Variants in RAPH1 observed in about 807,000 individuals in gnomAD.
RAPH1 encodes the protein ras-associated and pleckstrin homology domains-containing protein 1.
Under a neutral mutation model 88.1 loss-of-function variants are expected in RAPH1, and 18 were observed. The observed-to-expected ratio is 0.20, with a 90% CI of 0.14 to 0.30. RAPH1 has a LOEUF of 0.30. Ranked by LOEUF, RAPH1 falls within the 10% of genes least tolerant of loss-of-function variation. The pLI, the probability that RAPH1 is intolerant of heterozygous loss-of-function variation, is 1.00. For synonymous variants in RAPH1, 587 were observed against 559.0 expected (o/e 1.05, Z -0.71); for missense variants, 1,448 against 1,543.2 (o/e 0.94, Z 1.03).
Position 203,440,940 on chromosome 2 carries a change from A to T in RAPH1, c.2250T>A (p.His750Gln), listed in dbSNP as rs1276688539. The change falls in exon 14 of 14, where the codon CAT becomes CAA. Residue 750 changes from histidine (H) to glutamine (Q), a missense_variant. Coordinates refer to ENST00000319170, the MANE Select transcript of RAPH1 (RefSeq NM_213589.3). Reference sequence around the variant, plus strand: ...CCACCTGAGTAATATGCTGAACTTGATGGATCTTCAGTGGAGGAGGCGGGG... The same window carrying T: ...CCACCTGAGTAATATGCTGAACTTGTTGGATCTTCAGTGGAGGAGGCGGGG... ...FSAPPPPLKI[H>Q]QVQHITQVAP... 2.6e-6 allele frequency: 4 copies of T among 1,564,680 alleles called. No homozygotes were observed. The highest frequency in any genetic ancestry group is 3.5e-6 in the Non-Finnish European group (4 of 1,157,736).
At chr2:203,501,751 G>A (rs1688747114) in intron 1 of RAPH1, among the ~76,000 whole-genome samples, 1 of 149,440 alleles carries the variant, frequency 6.7e-6, no homozygotes, top group Non-Finnish European at 1.5e-5. Flanking sequence ...CCTACAGAAA[G>A]GTTCTACTTA....
chr2:203,441,913 T>C (rs1354153006), intron 13 of RAPH1: 1 of 1,352,122 alleles, frequency 7.4e-7, no homozygotes, highest in African/African-American at 1.5e-5. Context: ...TTTTTGATGC[T>C]AGTAAGCTGA....
At chr2:203,469,612 G>A (rs1016325470) in intron 4 of RAPH1, among the ~76,000 whole-genome samples, 1 of 152,160 alleles carries the variant, frequency 6.6e-6, no homozygotes, top group African/African-American at 2.4e-5. Context: ...AAAAGAGGTA[G>A]AAAGCAACTC....
chr2:203,513,323 T>C (rs1347539722), intron 1 of RAPH1, among the ~76,000 whole-genome samples: 5 of 151,102 alleles, frequency 3.3e-5, no homozygotes. Flanking sequence ...TCTCAATTTC[T>C]TCCTATTTAT....
chr2:203,459,993 T>G lies in RAPH1; in HGVS notation c.1006A>C (p.Asn336His). Reference sequence around the variant, plus strand: ...CTATCTCTTGTCCAATTAAGAAGATTTTCAACCAAGTTTTCATGGTCTTCA... The same window carrying G: ...CTATCTCTTGTCCAATTAAGAAGATGTTCAACCAAGTTTTCATGGTCTTCA... ...IFEDHENLVE[N>H]LLNWTRDSQN... The change falls in exon 7 of 14, where the codon AAT becomes CAT. Residue 336 changes from asparagine (N) to histidine (H), a missense_variant. Physicochemically the swap from Asn to His is moderately conservative, Grantham distance 68. Around this residue, in one of 2 missense-constraint regions of RAPH1, gnomAD observed 513 missense variants for 653.1 expected, o/e 0.79. Transcript: ENST00000319170. The G allele has an allele frequency of 6.2e-7, 1 of 1,610,338 alleles. No individual in the cohort carries two copies. The highest frequency in any genetic ancestry group is 8.5e-7 in the Non-Finnish European group (1 of 1,177,366).
At chr2:203,441,956 GCA>G (rs1162999419) in intron 13 of RAPH1, 19 of 1,458,652 alleles carry the variant, frequency 1.3e-5, no homozygotes, top group East Asian at 2.6e-5. Context: ...GAGCAGGCGT[GCA>G]CAGTCACACA....
At chr2:203,484,164 C>T (rs1184113881) in intron 4 of RAPH1, among the ~76,000 whole-genome samples, 1 of 152,124 alleles carries the variant, frequency 6.6e-6, no homozygotes, top group Non-Finnish European at 1.5e-5. Flanking sequence ...ACCTGGAGTT[C>T]AGGAGAGAGG....
chr2:203,506,881 G>GAT (rs1206268313), intron 1 of RAPH1, among the ~76,000 whole-genome samples: 1,456 of 30,310 alleles, frequency 0.048, 90 homozygotes, highest in Non-Finnish European at 0.059. Context: ...TATATATATA[G>GAT]ATATATATAT....
At chr2:203,502,819 CAAA>C (rs745644429) in intron 1 of RAPH1, among the ~76,000 whole-genome samples, 6 of 97,736 alleles carry the variant, frequency 6.1e-5, no homozygotes, top group African/African-American at 3.9e-5. Context: ...GACTCCGTCC[CAAA>C]AAAAAAAAAA....
chr2:203,460,790 C>G (rs1171213395), intron 6 of RAPH1, among the ~76,000 whole-genome samples: 1 of 152,024 alleles, frequency 6.6e-6, no homozygotes, highest in Non-Finnish European at 1.5e-5. Flanking sequence ...TGTAAAGAAG[C>G]CAAATTATGA....
intron 1 of RAPH1, among the ~76,000 whole-genome samples, chr2:203,533,727 C>T (rs966233189): frequency 6.6e-6 from 1 of 151,950 alleles, no homozygotes; most frequent in African/African-American, 2.4e-5. Flanking sequence ...CATTCACTAA[C>T]CCCCCGCACC....
intron 13 of RAPH1, chr2:203,441,934 T>TA: frequency 1.5e-6 from 2 of 1,372,178 alleles, no homozygotes; most frequent in Admixed American, 6.9e-5. Flanking sequence ...CACAGGAGAG[T>TA]ATGAGAATGT....
intron 13 of RAPH1, chr2:203,444,614 C>T (rs550478750): frequency 2.4e-6 from 1 of 422,946 alleles, no homozygotes; most frequent in South Asian, 8.1e-5. Flanking sequence ...AAGAATTAAA[C>T]TGCCAGTTTT....
chr2:203,500,220 T>A (rs1014404349), intron 1 of RAPH1, among the ~76,000 whole-genome samples: 1 of 152,194 alleles, frequency 6.6e-6, no homozygotes, highest in Non-Finnish European at 1.5e-5. Flanking sequence ...GTGAGCGTAG[T>A]TTAACTCAGT....
Position 203,440,027 on chromosome 2 carries a change from C to T in RAPH1, c.3163G>A (p.Gly1055Arg), listed in dbSNP as rs1268036893. The T allele has an allele frequency of 1.2e-6, 2 of 1,613,532 alleles. No individual in the cohort carries two copies. Among genetic ancestry groups the T allele is most frequent in the African/African-American group, 1.3e-5 (1 of 74,830 alleles). The change falls in exon 14 of 14, where the codon GGG (glycine) becomes AGG (arginine). Residue 1055 changes from glycine to arginine, a missense_variant. Physicochemically the swap from Gly to Arg is moderately radical, Grantham distance 125 (BLOSUM62 -2). Coordinates refer to ENST00000319170, the MANE Select transcript of RAPH1 (RefSeq NM_213589.3). ...CVSAKAPVLS[G>R]RGKDSVVEFP... Reference sequence around the variant, plus strand: ...TCCACCACGGAGTCCTTTCCACGCCCACTCAGAACAGGGGCTTTTGCTGAC... The same window carrying T: ...TCCACCACGGAGTCCTTTCCACGCCTACTCAGAACAGGGGCTTTTGCTGAC...
rs766747164 is a variant in RAPH1 at position 203,439,477 on chromosome 2, G to A, written c.3713C>T (p.Pro1238Leu). ...TLRRGPPPAPPKRDQNTKLSR... is the reference protein window; with the variant it reads ...TLRRGPPPAPLKRDQNTKLSR... ...GAGCTTGGTGTTCTGGTCTCTTTTG[G>A]GGGGAGCAGGAGGGGGTCCTCTCCG... The change falls in exon 14 of 14, where the codon CCC becomes CTC. Residue 1238 changes from proline (P) to leucine (L), a missense_variant. Pro to Leu is a moderately conservative substitution (Grantham distance 98). Coordinates refer to ENST00000319170, the MANE Select transcript of RAPH1 (RefSeq NM_213589.3). The A allele has an allele frequency of 1.2e-6, 2 of 1,613,962 alleles. No individual in the cohort carries two copies. Among genetic ancestry groups the A allele is most frequent in the Admixed American group, 1.7e-5 (1 of 60,022 alleles).
chr2:203,519,600 T>A (rs542508007), intron 1 of RAPH1, among the ~76,000 whole-genome samples: 4 of 152,154 alleles, frequency 2.6e-5, no homozygotes, highest in African/African-American at 7.2e-5. Context: ...GATAAGGATG[T>A]CCACTCTGAC....
In RAPH1 at chr2:203,437,198, T is replaced by TA. The variant is rs1259744040; in HGVS notation, c.*2238dup. On this transcript the variant is annotated 3_prime_UTR_variant, in exon 14 of 14. Coordinates refer to ENST00000319170, the MANE Select transcript of RAPH1 (RefSeq NM_213589.3). ...ACTGAAAACATAAAGGCTGTTGTTT[T>TA]AGGGCTCAAATCATGGGTGAAAAAA... is the stretch of plus-strand genomic sequence containing the variant. 7 of 152,318 alleles carry TA rather than the reference T, an allele frequency of 4.6e-5. No homozygotes were observed. Among genetic ancestry groups the TA allele is most frequent in the African/African-American group, 1.7e-4 (7 of 41,564 alleles). 9.4% of individuals were successfully genotyped at this position (152,318 alleles called of 1,614,324 possible).
At chr2:203,442,224 T>A in intron 13 of RAPH1, 1 of 794,964 alleles carries the variant, frequency 1.3e-6, no homozygotes, top group Non-Finnish European at 1.9e-6. Flanking sequence ...AGCTAGCATT[T>A]GCCAACAACC....
Sources: gnomAD v4.1 joint callset for allele counts (sites outside exome capture counted in the v4.1 genomes callset) on GRCh38, gnomAD v4.1.1 for gene constraint, gnomAD v4.1.1 regional missense constraint, MANE v1.5 for transcripts, NCBI Gene and HGNC (gene_info 2026-07-23, HGNC 2026-07-21) for gene names.